TGFBRAP1: variants seen among roughly 807,000 people sequenced by gnomAD.
TGFBRAP1 encodes the protein transforming growth factor-beta receptor-associated protein 1.
TGFBRAP1 carries 20 observed loss-of-function variants against 83.2 expected under a neutral mutation model. The observed-to-expected ratio is 0.24, with a 90% confidence interval of 0.17 to 0.35. The LOEUF is 0.35. Among genes scored for constraint, TGFBRAP1 ranks in the 10% least tolerant of loss-of-function variants. The probability of loss-of-function intolerance (pLI) is 1.00; values close to 1 mark genes in which losing one functional copy is unlikely to be tolerated. For missense variants in TGFBRAP1, 950 were observed against 1,099.4 expected, an observed-to-expected ratio of 0.86 and a Z score of 1.92; for synonymous variants, 415 against 459.8, an observed-to-expected ratio of 0.90 and a Z score of 1.25.
intron 5 of TGFBRAP1, among the ~76,000 whole-genome samples, chr2:105,283,421 G>C (rs893589749): frequency 6.6e-6 from 1 of 152,202 alleles, no homozygotes; most frequent in Admixed American, 6.5e-5. Context: ...GGCAAGGGAG[G>C]CATTCTGCTC....
intron 7 of TGFBRAP1, among the ~76,000 whole-genome samples, chr2:105,275,916 A>G (rs1677326464): frequency 6.6e-6 from 1 of 152,214 alleles, no homozygotes; most frequent in African/African-American, 2.4e-5. Context: ...ATAAAAAAAA[A>G]AATTAAGCTC....
Position 105,272,951 on chromosome 2 carries a change from A to G in TGFBRAP1, c.1876T>C (p.Ser626Pro), listed in dbSNP as rs767363412. Residue 626 changes from serine to proline, a missense_variant, in exon 10 of 12, where the codon TCC (serine) becomes CCC (proline). By Grantham distance (74) the Ser-to-Pro change is moderately conservative (BLOSUM62 -1). Transcript: ENST00000393359. Reference sequence around the variant, plus strand: ...GCCTCTGCACCCTTGCCACTGGCGGAGGCCCTCTGCAGCAGCACCTCTTCC... The same window carrying G: ...GCCTCTGCACCCTTGCCACTGGCGGGGGCCCTCTGCAGCAGCACCTCTTCC... ...YLEEVLLQRA[S>P]ASGKGAEATE... The G allele has an allele frequency of 6.2e-7, 1 of 1,613,146 alleles. No individual in the cohort carries two copies. The highest frequency in any genetic ancestry group is 8.5e-7 in the Non-Finnish European group (1 of 1,179,998).
At chr2:105,271,143 G>A (rs1677142732) in intron 10 of TGFBRAP1, among the ~76,000 whole-genome samples, 1 of 152,220 alleles carries the variant, frequency 6.6e-6, no homozygotes, top group Non-Finnish European at 1.5e-5. Flanking sequence ...CCAAGGCACA[G>A]CTCGTGGGTT....
At position 105,313,067 on chromosome 2, in the gene TGFBRAP1, G is replaced by A. The variant is rs532394313; in HGVS notation, c.-17-4749C>T. 1.2e-4 allele frequency among the ~76,000 whole-genome samples: 19 copies of A among 152,030 alleles called. No individual in the cohort carries two copies. In the South Asian group the frequency reaches 2.7e-3, roughly 22 times the overall value. ...GCGGAGGTTGCAGTGAGCAGAGATC[G>A]CGCCACTGCACTCCAGCCTGGGCAA... On this transcript the variant is annotated intron_variant, in intron 1 of 11. Transcript: ENST00000393359.
chr2:105,322,094 A>C (rs1679084249), intron 1 of TGFBRAP1, among the ~76,000 whole-genome samples: 1 of 152,202 alleles, frequency 6.6e-6, no homozygotes, highest in South Asian at 2.1e-4. Context: ...GAGGTGGATG[A>C]CAGGGATAAG....
chr2:105,308,232 G>A lies in TGFBRAP1; in HGVS notation c.70C>T (p.Arg24Cys), dbSNP rs777619739. The change falls in exon 2 of 12, where the codon CGC becomes TGC. Residue 24 changes from arginine to cysteine, a missense_variant. Transcript: ENST00000393359. ...ERELLMGDKE[R>C]VNIECVECCG... ...CACTCCACGCACTCTATGTTGACGC[G>A]CTCCTTGTCGCCCATCAGCAGCTCC... The A allele has an allele frequency of 8.7e-6, 14 of 1,614,060 alleles. No individual in the cohort carries two copies. The highest frequency in any genetic ancestry group is 1.6e-4 in the Middle Eastern group (1 of 6,082).
intron 3 of TGFBRAP1, 97 bp downstream of exon 3, chr2:105,298,414 T>C (rs1309127520): frequency 1.5e-6 from 2 of 1,328,784 alleles, no homozygotes; most frequent in South Asian, 1.5e-5. Context: ...GTATCTTTTA[T>C]GCTTAGCGCA....
Position 105,296,361 on chromosome 2 carries a change from A to T in TGFBRAP1, c.1033T>A (p.Phe345Ile), listed in dbSNP as rs372467313. 8.1e-6 allele frequency: 13 copies of T among 1,613,362 alleles called. No homozygotes were observed. The highest frequency in any genetic ancestry group is 1.0e-5 in the Non-Finnish European group (12 of 1,179,920). The change falls in exon 4 of 12, where the codon TTT becomes ATT. Residue 345 changes from phenylalanine (F) to isoleucine (I), a missense_variant. Transcript: ENST00000393359. The stretch of plus-strand genomic sequence containing the variant: ...GTGACCAGTTAATTACAAACCTGAA[A>T]TTTTTCCTTTGGAATGTTCCTCCGG... ...GARRNIPKEK[F>I]QVMYRRILQQ...
chr2:105,288,742 A>G lies in TGFBRAP1; in HGVS notation c.1039-4344T>C, dbSNP rs75184894. On this transcript the variant is annotated intron_variant, in intron 4 of 11. Coordinates refer to ENST00000393359, the MANE Select transcript of TGFBRAP1 (RefSeq NM_004257.6). ...TAAACAGAAACATCTTTCCCGAAATATATTAGGTGGAACATGAGGACCATG... is the reference window on the plus strand; with the variant it reads ...TAAACAGAAACATCTTTCCCGAAATGTATTAGGTGGAACATGAGGACCATG... 1.1e-4 allele frequency among the ~76,000 whole-genome samples: 17 copies of G among 152,318 alleles called. No individual in the cohort carries two copies. In the East Asian group the frequency reaches 3.3e-3, roughly 29 times the overall value.
chr2:105,273,408 C>T lies in TGFBRAP1; in HGVS notation c.1812+136G>A, dbSNP rs567638716. On this transcript the variant is annotated intron_variant, in intron 9 of 11. Coordinates refer to ENST00000393359, the MANE Select transcript of TGFBRAP1 (RefSeq NM_004257.6). ...GGTCTCTTTCCGCAAGCCTCAAGGC[C>T]GCCATCAGACCATCAACAAGTACGG... The T allele has an allele frequency of 1.0e-4, 124 of 1,238,138 alleles. No homozygotes were observed. The African/African-American group carries it at 1.6e-3, about 16-fold the overall frequency. The allele number at this position is 1,238,138 out of a possible 1,614,324, so 76.7% of individuals were successfully genotyped here.
intron 2 of TGFBRAP1, among the ~76,000 whole-genome samples, chr2:105,300,152 A>C (rs1678234818): frequency 6.6e-6 from 1 of 152,170 alleles, no homozygotes; most frequent in Non-Finnish European, 1.5e-5. Context: ...TTCAAGAAGC[A>C]CTGTCATAGG....
chr2:105,282,714 C>A lies in TGFBRAP1; in HGVS notation c.1121+1602G>T, dbSNP rs1294871436. Among the ~76,000 whole-genome samples, 4 of 151,810 alleles carry A rather than the reference C, an allele frequency of 2.6e-5. No individual in the cohort carries two copies. The East Asian group carries it at 7.8e-4, about 29-fold the overall frequency. On this transcript the variant is annotated intron_variant, in intron 5 of 11. Transcript: ENST00000393359. ...TGGTGGCATACACCTGAAGTCCTAG[C>A]TACTCAGGGGTCTGAGGCAGGAAGA... is the stretch of plus-strand genomic sequence containing the variant.
At chr2:105,255,291 C>T in the TGFBRAP1 span, among the ~76,000 whole-genome samples, 2 of 152,224 alleles carry the variant, frequency 1.3e-5, no homozygotes, top group East Asian at 1.9e-4. Context: ...AGGCAGTAAA[C>T]AGCTCGCCCA....
chr2:105,284,018 C>T (rs1296472785), intron 5 of TGFBRAP1, among the ~76,000 whole-genome samples: 1 of 152,136 alleles, frequency 6.6e-6, no homozygotes, highest in African/African-American at 2.4e-5. Context: ...CTATCAGATC[C>T]GCTCTTTAGA....
At chr2:105,272,500 C>T (rs1308099982) in intron 10 of TGFBRAP1, among the ~76,000 whole-genome samples, 1 of 152,112 alleles carries the variant, frequency 6.6e-6, no homozygotes, top group Non-Finnish European at 1.5e-5. Flanking sequence ...CAAAGGGCAC[C>T]GTCCATCTAG....
chr2:105,311,861 T>C (rs1678705454), intron 1 of TGFBRAP1, among the ~76,000 whole-genome samples: 1 of 151,474 alleles, frequency 6.6e-6, no homozygotes, highest in African/African-American at 2.4e-5. Context: ...TGAGCCGAGA[T>C]CGTACCACTG....
intron 1 of TGFBRAP1, among the ~76,000 whole-genome samples, chr2:105,317,190 G>A (rs756071102): frequency 1.1e-4 from 17 of 152,070 alleles, no homozygotes; most frequent in East Asian, 3.9e-4. Flanking sequence ...TGTAATCCCA[G>A]CACTCTGGGA....
chr2:105,297,187 T>A (rs1445194340), intron 3 of TGFBRAP1, among the ~76,000 whole-genome samples: 1 of 152,222 alleles, frequency 6.6e-6, no homozygotes, highest in South Asian at 2.1e-4. Flanking sequence ...GGCTCCCTTC[T>A]GCAGAAACTT....
At chr2:105,291,136 G>C (rs183814041) in intron 4 of TGFBRAP1, among the ~76,000 whole-genome samples, 1 of 152,298 alleles carries the variant, frequency 6.6e-6, no homozygotes, top group East Asian at 1.9e-4. Flanking sequence ...AGGGTATTAG[G>C]AGGTGTAGTC....
Sources: allele counts gnomAD v4.1 joint callset (sites outside exome capture counted in the v4.1 genomes callset), GRCh38; gene constraint gnomAD v4.1.1; transcripts MANE v1.5; gene names NCBI Gene and HGNC (gene_info 2026-07-23, HGNC 2026-07-21).